The following GALK2 variants were observed in gnomAD, a reference collection of about 807,000 sequenced individuals.
GALK2 encodes the protein N-acetylgalactosamine kinase.
GALK2 carries 36 observed loss-of-function variants against 52.4 expected under a neutral mutation model. The observed-to-expected ratio is 0.69, with a 90% CI of 0.53 to 0.91. The LOEUF (loss-of-function observed/expected upper bound fraction) is 0.91. Among genes scored for constraint, GALK2 ranks in the 40% least tolerant of loss-of-function variants. The pLI is 0.00. For synonymous variants in GALK2, 176 were observed against 199.1 expected, an observed-to-expected ratio of 0.88 and a Z score of 0.98; for missense variants, 579 against 559.1, an observed-to-expected ratio of 1.04 and a Z score of -0.36.
Position 49,284,488 on chromosome 15 carries a change from A to G in GALK2, c.756+770A>G, listed in dbSNP as rs148938236. 1.4e-3 allele frequency among the ~76,000 whole-genome samples: 215 copies of G among 152,274 alleles called. 1 individual carries two copies. Among genetic ancestry groups the G allele is most frequent in the African/African-American group, 4.8e-3 (198 of 41,568 alleles). On this transcript the variant is annotated intron_variant, in intron 7 of 9. Coordinates refer to ENST00000560031, the MANE Select transcript of GALK2 (RefSeq NM_002044.4). ...CCAGAATAGCTCATAATACGACTAGAAAGTTGGAGAGAGGACTGAGGCTGG... is the reference window on the plus strand; with the variant it reads ...CCAGAATAGCTCATAATACGACTAGGAAGTTGGAGAGAGGACTGAGGCTGG...
chr15:49,354,918 G>C (rs1183776631), intron 3 of GALK2, among the ~76,000 whole-genome samples: 1 of 151,798 alleles, frequency 6.6e-6, no homozygotes, highest in South Asian at 2.1e-4. Flanking sequence ...GCCTCCTCAA[G>C]TGGGTCCCTG....
Position 49,283,439 on chromosome 15 carries a change from G to GTACTTATTATTCAT in GALK2, c.604-126_604-125insACTTATTATTCATT, listed in dbSNP as rs1242036752. The GTACTTATTATTCAT allele has an allele frequency of 2.8e-5, 22 of 784,172 alleles. No individual in the cohort carries two copies. The East Asian group carries it at 5.7e-4, about 20-fold the overall frequency. The allele number at this position is 784,172 out of a possible 1,614,324, so 48.6% of individuals were successfully genotyped here. A position where few individuals can be genotyped will look rare whatever the true frequency, so the allele number is the denominator to read the frequency against. ...CCAGTGCCTAGTACAGCGCCTGGAG[G>GTACTTATTATTCAT]TCAATAAGTAATATTTGAATGAATG... On this transcript the variant is annotated intron_variant, in intron 6 of 9. Coordinates refer to ENST00000560031, the MANE Select transcript of GALK2 (RefSeq NM_002044.4).
At chr15:49,203,974 G>T (rs1318791955) in intron 2 of GALK2, among the ~76,000 whole-genome samples, 1 of 152,054 alleles carries the variant, frequency 6.6e-6, no homozygotes, top group Non-Finnish European at 1.5e-5. Flanking sequence ...AATTAGCTGG[G>T]TGTGGTGGCA....
At chr15:49,299,352 A>T (rs932180090) in intron 8 of GALK2, among the ~76,000 whole-genome samples, 1 of 151,798 alleles carries the variant, frequency 6.6e-6, no homozygotes, top group African/African-American at 2.4e-5. Flanking sequence ...GGTTTCGTTG[A>T]TCTTTTGTAT....
intron 8 of GALK2, among the ~76,000 whole-genome samples, chr15:49,300,933 G>A (rs1000906146): frequency 2.0e-5 from 3 of 152,154 alleles, no homozygotes; most frequent in African/African-American, 4.8e-5. Flanking sequence ...ACTTAAATGT[G>A]TTTTGTGGTG....
chr15:49,262,378 G>A (rs2092155241), intron 5 of GALK2, among the ~76,000 whole-genome samples: 1 of 152,154 alleles, frequency 6.6e-6, no homozygotes, highest in African/African-American at 2.4e-5. Context: ...AGTATTCTCT[G>A]ATGGTAGTTT....
intron 5 of GALK2, among the ~76,000 whole-genome samples, chr15:49,280,212 G>C (rs543640947): frequency 6.6e-6 from 1 of 152,262 alleles, no homozygotes; most frequent in South Asian, 2.1e-4. Flanking sequence ...TAGATAAAAA[G>C]ACAAGTAGAG....
chr15:49,210,553 C>T (rs2088763605), intron 2 of GALK2, among the ~76,000 whole-genome samples: 1 of 152,034 alleles, frequency 6.6e-6, no homozygotes, highest in African/African-American at 2.4e-5. Flanking sequence ...GATTTTCCTG[C>T]CTTAGCCTCC....
chr15:49,303,145 T>C lies in GALK2; in HGVS notation c.967+10608T>C, dbSNP rs544129641. On this transcript the variant is annotated intron_variant, in intron 8 of 9. Transcript: ENST00000560031. Reference sequence around the variant, plus strand: ...GCCAGGAATAAAGGTTCCTACCTTGTTTCCTAGGGAAAAAAAATGGGCTTA... The same window carrying C: ...GCCAGGAATAAAGGTTCCTACCTTGCTTCCTAGGGAAAAAAAATGGGCTTA... Among the ~76,000 whole-genome samples, 38 of 152,256 alleles carry C rather than the reference T, an allele frequency of 2.5e-4. 1 individual carries two copies. In the South Asian group the frequency reaches 7.5e-3, roughly 30 times the overall value.
intron 3 of GALK2, among the ~76,000 whole-genome samples, chr15:49,354,342 A>G (rs1328135106): frequency 6.6e-6 from 1 of 152,220 alleles, no homozygotes; most frequent in African/African-American, 2.4e-5. Flanking sequence ...TACCGGGTTC[A>G]TCTCACTAGG....
intron 3 of GALK2, among the ~76,000 whole-genome samples, chr15:49,337,346 A>G (rs766485435): frequency 4.1e-4 from 63 of 152,202 alleles, no homozygotes; most frequent in Non-Finnish European, 7.6e-4. Flanking sequence ...CAGCCCCATC[A>G]GCATCTATTG....
At chr15:49,268,022 G>A (rs113693640) in intron 5 of GALK2, among the ~76,000 whole-genome samples, 4,706 of 152,292 alleles carry the variant, frequency 0.031, 146 homozygotes, top group African/African-American at 0.07. Flanking sequence ...ATCAGGGGAA[G>A]ATTTTTGTCT....
intron 7 of GALK2, among the ~76,000 whole-genome samples, chr15:49,284,481 C>T (rs16962273): frequency 0.06 from 9,179 of 152,114 alleles, 552 homozygotes; most frequent in African/African-American, 0.15. Flanking sequence ...GCTCATAATA[C>T]GACTAGAAAG....
chr15:49,258,184 T>A (rs1274946350), intron 5 of GALK2, among the ~76,000 whole-genome samples: 1 of 152,044 alleles, frequency 6.6e-6, no homozygotes, highest in African/African-American at 2.4e-5. Flanking sequence ...GGCACTGGGG[T>A]AGAGCAATTA....
chr15:49,167,137 A>C (rs1250446581), upstream of GALK2, among the ~76,000 whole-genome samples: 2 of 152,204 alleles, frequency 1.3e-5, no homozygotes, highest in Non-Finnish European at 2.9e-5. Context: ...TTAGTTTGCT[A>C]TAATATTTTA....
chr15:49,335,589 C>A (rs1167831510), downstream of GALK2: 12 of 828,106 alleles, frequency 1.4e-5, no homozygotes, highest in East Asian at 2.7e-4. Flanking sequence ...GACCGTGTGA[C>A]CTTCACTTTT....
At chr15:49,361,406 T>C (rs957971521) in intron 3 of GALK2, among the ~76,000 whole-genome samples, 11 of 152,076 alleles carry the variant, frequency 7.2e-5, no homozygotes, top group African/African-American at 2.7e-4. Flanking sequence ...CCTTCCCTCC[T>C]CCCTCAAGTA....
intron 2 of GALK2, among the ~76,000 whole-genome samples, chr15:49,203,231 A>G (rs111544873): frequency 1.1e-4 from 17 of 151,884 alleles, no homozygotes; most frequent in African/African-American, 3.9e-4. Flanking sequence ...TTGTATTGTT[A>G]GTAGAGATGG....
chr15:49,340,536 G>A (rs1342773924), intron 3 of GALK2, among the ~76,000 whole-genome samples: 3 of 151,996 alleles, frequency 2.0e-5, no homozygotes, highest in African/African-American at 7.3e-5. Context: ...CAATCTTGCT[G>A]GAAGCTGCAG....
Sources: gnomAD v4.1 joint callset for allele counts (sites outside exome capture counted in the v4.1 genomes callset) on GRCh38, gnomAD v4.1.1 for gene constraint, MANE v1.5 for transcripts, NCBI Gene and HGNC (gene_info 2026-07-23, HGNC 2026-07-21) for gene names.